KLF12: variants seen among roughly 807,000 people sequenced by gnomAD.
The protein encoded by KLF12 is KLF transcription factor 12, also known as Krueppel-like factor 12.
KLF12 carries 9 observed loss-of-function variants against 37.8 expected under a neutral mutation model. The ratio of observed to expected loss-of-function variants is 0.24; its 90% CI spans 0.14 to 0.42. The LOEUF (loss-of-function observed/expected upper bound fraction) is 0.42, where lower values mean the gene tolerates loss of function less well. Among genes scored for constraint, KLF12 ranks in the 10% least tolerant of loss-of-function variants. KLF12 has a pLI of 1.00. For synonymous variants in KLF12, 208 were observed against 202.1 expected, an observed-to-expected ratio of 1.03 and a Z score of -0.25; for missense variants, 411 against 516.0, an observed-to-expected ratio of 0.80 and a Z score of 1.97.
At chr13:73,965,990 C>T (rs911686391) in intron 2 of KLF12, among the ~76,000 whole-genome samples, 1 of 152,170 alleles carries the variant, frequency 6.6e-6, no homozygotes, top group Non-Finnish European at 1.5e-5. Context: ...AATGCATGTA[C>T]CTTTCAATCT....
At position 73,689,661 on chromosome 13, in the gene KLF12, CTT is replaced by C. The variant is rs1226371662; in HGVS notation, c.*5827_*5828del. 1 of 152,064 alleles carries C rather than the reference CTT, an allele frequency of 6.6e-6. No individual in the cohort carries two copies. Among genetic ancestry groups the C allele is most frequent in the African/African-American group, 2.4e-5 (1 of 41,388 alleles). The allele number at this position is 152,064 out of a possible 1,614,324, so 9.4% of individuals were successfully genotyped here. Reference sequence around the variant, plus strand: ...TAAGTGTCAGTGGTACTTCAACAGACTTTTTGGGGAGAAATGATTCTGTCAAT... The same window carrying C: ...TAAGTGTCAGTGGTACTTCAACAGACTTTGGGGAGAAATGATTCTGTCAAT... On this transcript the variant is annotated 3_prime_UTR_variant, in exon 8 of 8. Transcript: ENST00000377669.
the KLF12 span, chr13:74,289,231 A>C: frequency 6.6e-6 from 1 of 152,218 alleles, no homozygotes; most frequent in Non-Finnish European, 1.5e-5. Flanking sequence ...AAGGAATTTT[A>C]AGTTAGAGAA....
intron 2 of KLF12, among the ~76,000 whole-genome samples, chr13:73,973,783 A>C (rs1891417543): frequency 6.6e-6 from 1 of 152,106 alleles, no homozygotes; most frequent in African/African-American, 2.4e-5. Flanking sequence ...AAGGAGGAAA[A>C]AGCACTCACT....
In KLF12 at chr13:73,716,330, A is replaced by G. The variant is rs543939442; in HGVS notation, c.870-805T>C. On this transcript the variant is annotated intron_variant, in intron 6 of 7. Transcript: ENST00000377669. ...GATTGAGACAGAAATAATATGACTCATCTTTTTTAGTACCATGACATTCTT... is the reference window on the plus strand; with the variant it reads ...GATTGAGACAGAAATAATATGACTCGTCTTTTTTAGTACCATGACATTCTT... Among the ~76,000 whole-genome samples, 60 of 152,350 alleles carry G rather than the reference A, an allele frequency of 3.9e-4. 1 individual carries two copies. The highest frequency in any genetic ancestry group is 1.3e-3 in the African/African-American group (54 of 41,586).
At chr13:73,808,298 A>T (rs921001456) in intron 5 of KLF12, among the ~76,000 whole-genome samples, 3 of 152,082 alleles carry the variant, frequency 2.0e-5, no homozygotes, top group Admixed American at 2.0e-4. Flanking sequence ...ATTACAATTG[A>T]AATAGAAAAA....
chr13:73,768,130 G>A (rs1472552135), intron 5 of KLF12, among the ~76,000 whole-genome samples: 1 of 152,156 alleles, frequency 6.6e-6, no homozygotes, highest in Admixed American at 6.5e-5. Context: ...CAGCTTCACC[G>A]TTTACCAACG....
the KLF12 span, among the ~76,000 whole-genome samples, chr13:74,284,770 T>G: frequency 3.2e-3 from 485 of 152,336 alleles, 3 homozygotes; most frequent in Non-Finnish European, 2.6e-3. Flanking sequence ...GGGATTTCTG[T>G]GCATGTTCTC....
intron 2 of KLF12, among the ~76,000 whole-genome samples, chr13:73,959,151 C>T (rs1040096701): frequency 2.4e-5 from 3 of 126,614 alleles, no homozygotes; most frequent in African/African-American, 8.2e-5. Flanking sequence ...AAGAAAGACA[C>T]ATCTTGCTCC....
At chr13:73,786,748 T>C (rs1301606179) in intron 5 of KLF12, among the ~76,000 whole-genome samples, 1 of 109,324 alleles carries the variant, frequency 9.1e-6, no homozygotes, top group Non-Finnish European at 1.9e-5. Context: ...AAAATAAAAA[T>C]TACAAATACA....
chr13:73,699,009 G>T (rs1187294163), intron 7 of KLF12, among the ~76,000 whole-genome samples: 1 of 152,056 alleles, frequency 6.6e-6, no homozygotes, highest in Non-Finnish European at 1.5e-5. Flanking sequence ...AAACACACAT[G>T]ATATTTCAAA....
In KLF12 at chr13:73,881,473, A is replaced by AT. The variant is rs370525188; in HGVS notation, c.124-35101dup. 9.4e-3 allele frequency among the ~76,000 whole-genome samples: 1,415 copies of AT among 150,664 alleles called. 18 individuals are homozygous for AT. The highest frequency in any genetic ancestry group is 0.013 in the Admixed American group (201 of 15,100). On this transcript the variant is annotated intron_variant, in intron 3 of 7. Coordinates refer to ENST00000377669, the MANE Select transcript of KLF12 (RefSeq NM_007249.5). Reference sequence around the variant, plus strand: ...CTTATAAATATTAAGAAAACCATTCATTTTTTTTTCAAATGGCATGATTTA... The same window carrying AT: ...CTTATAAATATTAAGAAAACCATTCATTTTTTTTTTCAAATGGCATGATTTA...
At chr13:73,814,996 A>G (rs2138450044) in intron 4 of KLF12, among the ~76,000 whole-genome samples, 1 of 152,194 alleles carries the variant, frequency 6.6e-6, no homozygotes, top group South Asian at 2.1e-4. Flanking sequence ...CATGGCTAAC[A>G]AGGAAATTGT....
chr13:73,770,821 C>T (rs542277247), intron 5 of KLF12, among the ~76,000 whole-genome samples: 1 of 152,070 alleles, frequency 6.6e-6, no homozygotes, highest in African/African-American at 2.4e-5. Flanking sequence ...CCATGCCCAG[C>T]CAATATGTGA....
intron 6 of KLF12, among the ~76,000 whole-genome samples, chr13:73,716,446 C>T (rs531006721): frequency 6.6e-6 from 1 of 152,250 alleles, no homozygotes; most frequent in South Asian, 2.1e-4. Flanking sequence ...ATATTTTCTT[C>T]CAGCTTGTTC....
intron 1 of KLF12, among the ~76,000 whole-genome samples, chr13:74,056,611 C>A (rs1156675993): frequency 4.6e-5 from 7 of 152,128 alleles, no homozygotes; most frequent in African/African-American, 1.7e-4. Flanking sequence ...TACAAATAGG[C>A]TCAGAAAAGT....
chr13:73,784,156 T>A (rs1881156007), intron 5 of KLF12, among the ~76,000 whole-genome samples: 1 of 152,208 alleles, frequency 6.6e-6, no homozygotes, highest in African/African-American at 2.4e-5. Flanking sequence ...TCTCTGTTGC[T>A]TCTTTCAGAG....
the KLF12 span, among the ~76,000 whole-genome samples, chr13:74,153,094 C>T: frequency 6.6e-6 from 1 of 151,738 alleles, no homozygotes; most frequent in East Asian, 1.9e-4. Context: ...TTAATTTTCA[C>T]ATAGTTAGAA....
At chr13:73,925,902 GAGAACT>G (rs2139248107) in intron 3 of KLF12, among the ~76,000 whole-genome samples, 1 of 152,304 alleles carries the variant, frequency 6.6e-6, no homozygotes, top group South Asian at 2.1e-4. Flanking sequence ...GAAATAGCAA[GAGAACT>G]AGAACTAGAA....
At chr13:74,182,616 T>G in the KLF12 span, among the ~76,000 whole-genome samples, 1 of 152,232 alleles carries the variant, frequency 6.6e-6, no homozygotes, top group Non-Finnish European at 1.5e-5. Flanking sequence ...CTCCAACTGC[T>G]GCACACAGTG....
Sources: allele counts gnomAD v4.1 joint callset (sites outside exome capture counted in the v4.1 genomes callset), GRCh38; gene constraint gnomAD v4.1.1; transcripts MANE v1.5; gene names NCBI Gene and HGNC (gene_info 2026-07-23, HGNC 2026-07-21).